Variants in GRM7 observed in about 807,000 individuals in gnomAD.
GRM7 encodes glutamate metabotropic receptor 7.
A neutral mutation model predicts 84.5 loss-of-function variants in GRM7; 35 were observed. That is an observed-to-expected ratio of 0.41 (90% CI 0.32 to 0.55). GRM7 has a LOEUF of 0.55. Among genes scored for constraint, GRM7 ranks in the 20% least tolerant of loss-of-function variants. GRM7 has a pLI of 0.19. For missense variants in GRM7, 1,003 were observed against 1,194.6 expected (o/e 0.84, Z 2.36); for synonymous variants, 487 against 455.1 (o/e 1.07, Z -0.89).
chr3:7,572,298 G>A (rs183916336), intron 7 of GRM7, among the ~76,000 whole-genome samples: 126 of 152,278 alleles, frequency 8.3e-4, no homozygotes, highest in African/African-American at 2.9e-3. Context: ...TTGCCCCTCA[G>A]AGATTGTGAT....
At chr3:7,209,134 T>C (rs1696337613) in intron 2 of GRM7, among the ~76,000 whole-genome samples, 1 of 152,184 alleles carries the variant, frequency 6.6e-6, no homozygotes, top group Non-Finnish European at 1.5e-5. Flanking sequence ...TATTGTAAAA[T>C]AAAGTATTGA....
chr3:7,499,618 G>A (rs888031450), intron 7 of GRM7, among the ~76,000 whole-genome samples: 4 of 152,086 alleles, frequency 2.6e-5, no homozygotes, highest in African/African-American at 9.7e-5. Context: ...ACTGGGTCAC[G>A]GAAGATGAAA....
At chr3:7,585,217 T>C (rs1161561495) in intron 8 of GRM7, among the ~76,000 whole-genome samples, 1 of 152,148 alleles carries the variant, frequency 6.6e-6, no homozygotes, top group Non-Finnish European at 1.5e-5. Flanking sequence ...CTGTTCACGT[T>C]CCCATCAGAA....
At position 6,899,721 on chromosome 3, in the gene GRM7, T is replaced by A. The variant is rs190671693; in HGVS notation, c.519+37814T>A. Reference sequence around the variant, plus strand: ...AATTTATTTTAGACAAACTGACTAATGATAAAAATAAAGACAATATGATGG... The same window carrying A: ...AATTTATTTTAGACAAACTGACTAAAGATAAAAATAAAGACAATATGATGG... On this transcript the variant is annotated intron_variant, in intron 1 of 9. Coordinates refer to ENST00000357716, the MANE Select transcript of GRM7 (RefSeq NM_000844.4). 7.2e-5 allele frequency among the ~76,000 whole-genome samples: 11 copies of A among 152,266 alleles called. No homozygotes were observed. The East Asian group carries it at 1.9e-3, about 27-fold the overall frequency.
chr3:6,993,642 G>A (rs533444800), intron 1 of GRM7, among the ~76,000 whole-genome samples: 8 of 152,262 alleles, frequency 5.3e-5, no homozygotes, highest in South Asian at 2.1e-4. Flanking sequence ...GCCTGGAGGT[G>A]GTAGAGACTC....
chr3:7,322,511 G>A (rs1351532679), intron 4 of GRM7, among the ~76,000 whole-genome samples: 2 of 151,910 alleles, frequency 1.3e-5, no homozygotes. Flanking sequence ...CACCCCAACA[G>A]TGTACACTGT....
At position 6,905,275 on chromosome 3, in the gene GRM7, A is replaced by T. The variant is rs970377808; in HGVS notation, c.519+43368A>T. Among the ~76,000 whole-genome samples the T allele has an allele frequency of 2.0e-5, 3 of 152,160 alleles. No homozygotes were observed. The East Asian group carries it at 5.8e-4, about 29-fold the overall frequency. On this transcript the variant is annotated intron_variant, in intron 1 of 9. Transcript: ENST00000357716. ...ATTTCCTTTACTCATGTGTCCTTTC[A>T]TACAGAGTTAAAGTTTTTGCTAGGA...
chr3:6,959,047 T>G (rs1381770561), intron 1 of GRM7, among the ~76,000 whole-genome samples: 1 of 152,238 alleles, frequency 6.6e-6, no homozygotes, highest in African/African-American at 2.4e-5. Context: ...GGAGGAAATT[T>G]TTGATGGTGA....
chr3:7,103,421 G>T (rs1467666313), intron 1 of GRM7, among the ~76,000 whole-genome samples: 1 of 151,676 alleles, frequency 6.6e-6, no homozygotes, highest in Non-Finnish European at 1.5e-5. Flanking sequence ...TTCAAACTTC[G>T]AGCTGTTGCT....
chr3:7,290,573 C>T (rs1699585935), intron 2 of GRM7, among the ~76,000 whole-genome samples: 2 of 152,170 alleles, frequency 1.3e-5, no homozygotes, highest in South Asian at 2.1e-4. Context: ...GCATTCTGCT[C>T]AGAATGAGAG....
At chr3:7,572,881 A>AT (rs1694771532) in intron 7 of GRM7, among the ~76,000 whole-genome samples, 21 of 76,150 alleles carry the variant, frequency 2.8e-4, no homozygotes, top group Non-Finnish European at 4.2e-4. Context: ...TATATATATA[A>AT]ATAATCTTTC....
At chr3:7,442,130 T>G (rs1476486415) in intron 5 of GRM7, among the ~76,000 whole-genome samples, 2 of 152,108 alleles carry the variant, frequency 1.3e-5, no homozygotes, top group Non-Finnish European at 2.9e-5. Context: ...AATACTTTTC[T>G]GTTTGTTTGT....
At chr3:7,377,824 A>G (rs1694417932) in intron 4 of GRM7, among the ~76,000 whole-genome samples, 3 of 152,216 alleles carry the variant, frequency 2.0e-5, no homozygotes, top group African/African-American at 7.2e-5. Flanking sequence ...ATAGAACATA[A>G]AAATCATGTA....
intron 8 of GRM7, among the ~76,000 whole-genome samples, chr3:7,634,217 T>C (rs1373830570): frequency 6.6e-6 from 1 of 152,114 alleles, no homozygotes; most frequent in Non-Finnish European, 1.5e-5. Context: ...ACTAATATTA[T>C]CCTAGTAAAG....
At chr3:7,312,936 CT>C (rs372557190) in intron 4 of GRM7, among the ~76,000 whole-genome samples, 6,341 of 126,932 alleles carry the variant, frequency 0.05, 367 homozygotes, top group African/African-American at 0.17. Context: ...TTCTTTTTTT[CT>C]TTTTTTTTTT....
rs551148404 is a variant in GRM7 at position 6,891,918 on chromosome 3, T to G, written c.519+30011T>G. Reference sequence around the variant, plus strand: ...TTCACATAGTCCCATATTTCTTGGATGCTTTGTTCATTTCTTTTTATTCTT... The same window carrying G: ...TTCACATAGTCCCATATTTCTTGGAGGCTTTGTTCATTTCTTTTTATTCTT... On this transcript the variant is annotated intron_variant, in intron 1 of 9. Transcript: ENST00000357716. 1.8e-3 allele frequency among the ~76,000 whole-genome samples: 267 copies of G among 152,250 alleles called. 2 individuals are homozygous for G. Among genetic ancestry groups the G allele is most frequent in the African/African-American group, 5.9e-3 (245 of 41,550 alleles).
chr3:6,891,178 C>T (rs1227773262), intron 1 of GRM7, among the ~76,000 whole-genome samples: 1 of 152,134 alleles, frequency 6.6e-6, no homozygotes, highest in Non-Finnish European at 1.5e-5. Context: ...GGTCTTGACT[C>T]TTTATCCAAT....
chr3:7,605,010 T>C (rs957822253), intron 8 of GRM7, among the ~76,000 whole-genome samples: 1 of 152,192 alleles, frequency 6.6e-6, no homozygotes. Context: ...AAAATCTCTT[T>C]CATTAGTTCA....
chr3:7,667,909 C>G (rs1699766677), intron 8 of GRM7, among the ~76,000 whole-genome samples: 1 of 149,726 alleles, frequency 6.7e-6, no homozygotes, highest in Non-Finnish European at 1.5e-5. Context: ...ACTGAGTTGT[C>G]ATGGCAACCA....
Sources: allele counts gnomAD v4.1 joint callset (sites outside exome capture counted in the v4.1 genomes callset), GRCh38; gene constraint gnomAD v4.1.1; transcripts MANE v1.5; gene names NCBI Gene and HGNC (gene_info 2026-07-23, HGNC 2026-07-21).